Variants in ACAP2 observed in about 807,000 individuals in gnomAD.
ACAP2 encodes the protein ArfGAP with coiled-coil, ankyrin repeat and PH domains 2.
Under a neutral mutation model 115.8 loss-of-function variants are expected in ACAP2, and 39 were observed. The ratio of observed to expected loss-of-function variants is 0.34; its 90% CI spans 0.26 to 0.44. The LOEUF is 0.44. Among genes scored for constraint, ACAP2 ranks in the 20% least tolerant of loss-of-function variants. The pLI, the probability that ACAP2 is intolerant of heterozygous loss-of-function variation, is 1.00. For missense variants in ACAP2, 662 were observed against 927.6 expected (o/e 0.71, Z 3.72); for synonymous variants, 289 against 315.8 (o/e 0.92, Z 0.90).
chr3:195,346,520 T>G (rs1294999572), intron 4 of ACAP2, among the ~76,000 whole-genome samples: 1 of 152,146 alleles, frequency 6.6e-6, no homozygotes, highest in Non-Finnish European at 1.5e-5. Flanking sequence ...ACAAATTTTG[T>G]GAAAGACAAA....
intron 5 of ACAP2, 131 bp downstream of exon 5, chr3:195,345,128 C>T: frequency 2.9e-6 from 2 of 689,744 alleles, no homozygotes; most frequent in South Asian, 3.4e-5. Context: ...ATGCAGCATG[C>T]ATTTCACAAA....
rs1715602879 is a variant in ACAP2, at chr3:195,437,116, T to TA, written c.53+5678dup. Reference sequence around the variant, plus strand: ...AAGGTGGAGTACAGTGGCATCACCATAGCTCACTGTAACCTCAAACTCCAG... The same window carrying TA: ...AAGGTGGAGTACAGTGGCATCACCATAAGCTCACTGTAACCTCAAACTCCAG... On this transcript the variant is annotated intron_variant, in intron 1 of 22. Transcript: ENST00000326793. 2.0e-5 allele frequency among the ~76,000 whole-genome samples: 3 copies of TA among 152,318 alleles called. No individual in the cohort carries two copies. The South Asian group carries it at 6.2e-4, about 32-fold the overall frequency.
intron 1 of ACAP2, among the ~76,000 whole-genome samples, chr3:195,425,092 T>A (rs980715256): frequency 2.0e-5 from 3 of 149,250 alleles, no homozygotes; most frequent in African/African-American, 4.9e-5. Flanking sequence ...ACACATTTTT[T>A]AAATTTGCTA....
chr3:195,310,125 G>GACATTTAT (rs1157544002), intron 10 of ACAP2, among the ~76,000 whole-genome samples: 1 of 151,926 alleles, frequency 6.6e-6, no homozygotes, highest in Non-Finnish European at 1.5e-5. Context: ...ATTGTATTTA[G>GACATTTAT]AATTTCTATT....
intron 10 of ACAP2, among the ~76,000 whole-genome samples, chr3:195,311,048 T>C (rs971817870): frequency 2.0e-5 from 3 of 151,836 alleles, no homozygotes; most frequent in Admixed American, 1.3e-4. Context: ...ATTATTTCTA[T>C]AGAATAATCC....
At chr3:195,418,115 TTCTC>T (rs1713891680) in intron 1 of ACAP2, among the ~76,000 whole-genome samples, 1 of 152,160 alleles carries the variant, frequency 6.6e-6, no homozygotes, top group South Asian at 2.1e-4. Context: ...GGACTTACAG[TTCTC>T]TCTGCCAGAA....
chr3:195,325,613 CT>C (rs1020913675), intron 9 of ACAP2, among the ~76,000 whole-genome samples: 3 of 151,824 alleles, frequency 2.0e-5, no homozygotes, highest in African/African-American at 7.3e-5. Flanking sequence ...CAGTACAACA[CT>C]GAACTGTGTC....
At chr3:195,437,602 T>C (rs1042410018) in intron 1 of ACAP2, among the ~76,000 whole-genome samples, 2 of 151,844 alleles carry the variant, frequency 1.3e-5, no homozygotes, top group Non-Finnish European at 2.9e-5. Flanking sequence ...GATCACAAGG[T>C]CAGGAGTTCA....
At chr3:195,328,677 A>C (rs1729964070) in intron 8 of ACAP2, among the ~76,000 whole-genome samples, 1 of 152,230 alleles carries the variant, frequency 6.6e-6, no homozygotes, top group South Asian at 2.1e-4. Flanking sequence ...TCAGACTGAA[A>C]TGCAGTACAA....
In ACAP2 at chr3:195,279,408, T is replaced by C. The variant is rs1726342605; in HGVS notation, c.2257A>G (p.Ile753Val). The change falls in exon 23 of 23, where the codon ATA (isoleucine) becomes GTA (valine). Residue 753 changes from isoleucine to valine, a missense_variant. Physicochemically the swap from Ile to Val is conservative, Grantham distance 29. Around this residue, in one of 3 missense-constraint regions of ACAP2, gnomAD observed 128 missense variants for 200.2 expected, o/e 0.64. Coordinates refer to ENST00000326793, the MANE Select transcript of ACAP2 (RefSeq NM_012287.6). ...GQPGDETYQD[I>V]FRDFSQMASN... The stretch of plus-strand genomic sequence containing the variant: ...GCCATTTGGGAAAAATCACGAAATA[T>C]GTCCTGATAAGTTTCATCACCTGCA... The C allele has an allele frequency of 1.2e-6, 2 of 1,604,174 alleles. No homozygotes were observed. Among genetic ancestry groups the C allele is most frequent in the Admixed American group, 1.7e-5 (1 of 57,746 alleles).
At chr3:195,360,376 C>A (rs1485668062) in intron 4 of ACAP2, among the ~76,000 whole-genome samples, 1 of 152,056 alleles carries the variant, frequency 6.6e-6, no homozygotes, top group Non-Finnish European at 1.5e-5. Context: ...ATATATAAAG[C>A]AAATATCATT....
intron 1 of ACAP2, among the ~76,000 whole-genome samples, chr3:195,424,304 T>A (rs1184454447): frequency 1.7e-4 from 16 of 94,400 alleles, no homozygotes; most frequent in East Asian, 9.5e-4. Context: ...TTTTTTTTTT[T>A]TTTTTTTTGA....
At chr3:195,287,763 T>C (rs921904912) in intron 21 of ACAP2, among the ~76,000 whole-genome samples, 2 of 152,146 alleles carry the variant, frequency 1.3e-5, no homozygotes. Context: ...AATTATCTGT[T>C]AGTCTAACAA....
chr3:195,428,336 G>GTGTA (rs1282181348), intron 1 of ACAP2, among the ~76,000 whole-genome samples: 1 of 135,472 alleles, frequency 7.4e-6, no homozygotes, highest in African/African-American at 2.7e-5. Context: ...AGGTGTGTGT[G>GTGTA]TATATATATA....
chr3:195,368,981 G>A (rs1359886724), intron 4 of ACAP2, among the ~76,000 whole-genome samples: 1 of 152,066 alleles, frequency 6.6e-6, no homozygotes, highest in African/African-American at 2.4e-5. Context: ...CTACTTGGGG[G>A]GCTGAGGCGG....
chr3:195,303,637 TAA>T (rs1396915901), intron 13 of ACAP2, among the ~76,000 whole-genome samples: 1 of 152,134 alleles, frequency 6.6e-6, no homozygotes, highest in Non-Finnish European at 1.5e-5. Flanking sequence ...GACATGGTGG[TAA>T]GCACCTGTGG....
chr3:195,315,849 T>C (rs925872732), intron 10 of ACAP2, among the ~76,000 whole-genome samples: 3 of 152,224 alleles, frequency 2.0e-5, no homozygotes, highest in Admixed American at 6.5e-5. Flanking sequence ...TGCATTTTAA[T>C]ATCTATGCCA....
chr3:195,306,158 C>A (rs1728406525), intron 13 of ACAP2, among the ~76,000 whole-genome samples: 1 of 152,082 alleles, frequency 6.6e-6, no homozygotes, highest in African/African-American at 2.4e-5. Context: ...ATTATGCTTC[C>A]CTTTTTTGCT....
chr3:195,322,934 T>C (rs1729544000), intron 9 of ACAP2, among the ~76,000 whole-genome samples: 2 of 152,222 alleles, frequency 1.3e-5, no homozygotes. Flanking sequence ...CAATGAAATA[T>C]GTTGGATGAA....
Sources: gnomAD v4.1 joint callset for allele counts (sites outside exome capture counted in the v4.1 genomes callset) on GRCh38, gnomAD v4.1.1 for gene constraint, gnomAD v4.1.1 regional missense constraint, MANE v1.5 for transcripts, NCBI Gene and HGNC (gene_info 2026-07-23, HGNC 2026-07-21) for gene names.